Variants in ARHGAP32 observed in about 807,000 individuals in gnomAD.
ARHGAP32 encodes the protein Rho GTPase activating protein 32, also known as rho GTPase-activating protein 32.
Under a neutral mutation model 186.5 loss-of-function variants are expected in ARHGAP32, and 51 were observed. The ratio of observed to expected loss-of-function variants is 0.27; its 90% CI spans 0.22 to 0.35. ARHGAP32 has a LOEUF of 0.35. ARHGAP32 is among the 10% of genes least tolerant of loss of function. The pLI is 1.00. For synonymous variants in ARHGAP32, 950 were observed against 964.3 expected, an observed-to-expected ratio of 0.99 and a Z score of 0.27; for missense variants, 2,186 against 2,623.5, an observed-to-expected ratio of 0.83 and a Z score of 3.64.
upstream of ARHGAP32, among the ~76,000 whole-genome samples, chr11:129,194,477 CA>C (rs971841080): frequency 9.2e-5 from 14 of 152,032 alleles, no homozygotes; most frequent in Non-Finnish European, 2.9e-5. Context: ...ACTGTTAAGG[CA>C]AAGAAGAAAG....
At chr11:129,149,529 G>A (rs1411596139) in intron 2 of ARHGAP32, among the ~76,000 whole-genome samples, 1 of 152,178 alleles carries the variant, frequency 6.6e-6, no homozygotes, top group Non-Finnish European at 1.5e-5. Flanking sequence ...AGACCCAGAA[G>A]AGAAATAAGA....
At chr11:129,156,334 T>C (rs551490441) in intron 2 of ARHGAP32, among the ~76,000 whole-genome samples, 2 of 152,164 alleles carry the variant, frequency 1.3e-5, no homozygotes, top group African/African-American at 2.4e-5. Context: ...CAAGCTAAGA[T>C]CCACTGCCTT....
intron 1 of ARHGAP32, among the ~76,000 whole-genome samples, chr11:129,169,171 T>C (rs1943700564): frequency 6.6e-6 from 1 of 151,940 alleles, no homozygotes; most frequent in African/African-American, 2.4e-5. Flanking sequence ...ATCAATAAAA[T>C]AGAAAGTAAA....
chr11:128,992,962 G>A (rs374878741), intron 12 of ARHGAP32, among the ~76,000 whole-genome samples: 24 of 152,188 alleles, frequency 1.6e-4, no homozygotes, highest in Non-Finnish European at 2.5e-4. Flanking sequence ...TATAAACACC[G>A]GTTTGTGATA....
At chr11:129,073,309 A>G (rs1218362645) in intron 6 of ARHGAP32, among the ~76,000 whole-genome samples, 1 of 152,240 alleles carries the variant, frequency 6.6e-6, no homozygotes, top group African/African-American at 2.4e-5. Flanking sequence ...TCAGACCAAT[A>G]ATTTAAAAGA....
At position 129,064,007 on chromosome 11, in the gene ARHGAP32, A is replaced by G. The variant is rs1480052227; in HGVS notation, c.780T>C (p.Asn260=). 1 of 1,609,712 alleles carries G rather than the reference A, an allele frequency of 6.2e-7. No individual in the cohort carries two copies. The highest frequency in any genetic ancestry group is 8.5e-7 in the Non-Finnish European group (1 of 1,178,416). The change falls in exon 9 of 23, where the codon AAT becomes AAC. Residue 260 remains asparagine (N), a synonymous_variant. Coordinates refer to ENST00000682385, the MANE Select transcript of ARHGAP32 (RefSeq NM_001378024.1). ...LTWMEIDNKG[N]HLLVHEESSI... is the part of the protein sequence containing the mutation. ...ATGACTCCTCATGAACCAAAAGGTG[A>G]TTTCCCTTATTATCAATCTATCACA...
At chr11:129,210,937 G>A (rs1013912602) in intron 1 of ARHGAP32, among the ~76,000 whole-genome samples, 2 of 152,136 alleles carry the variant, frequency 1.3e-5, no homozygotes, top group South Asian at 2.1e-4. Flanking sequence ...CGGGACTGCT[G>A]CACTGTTCAT....
intron 6 of ARHGAP32, among the ~76,000 whole-genome samples, chr11:129,086,508 C>T (rs993667530): frequency 2.0e-5 from 3 of 152,132 alleles, no homozygotes; most frequent in Non-Finnish European, 4.4e-5. Context: ...AGCCATAAAT[C>T]GACAGAAAAT....
At chr11:129,116,956 ATT>A (rs1251326766) in intron 5 of ARHGAP32, among the ~76,000 whole-genome samples, 2 of 152,030 alleles carry the variant, frequency 1.3e-5, no homozygotes, top group African/African-American at 4.8e-5. Flanking sequence ...GAATAGATAT[ATT>A]TGTTTCTATT....
chr11:129,176,964 C>CA (rs1302624361), intron 1 of ARHGAP32, among the ~76,000 whole-genome samples: 2 of 151,024 alleles, frequency 1.3e-5, no homozygotes, highest in East Asian at 1.9e-4. Context: ...AATAGAGACA[C>CA]AAAAAACCCT....
At chr11:129,207,579 T>C (rs540759693) in intron 1 of ARHGAP32, among the ~76,000 whole-genome samples, 1 of 152,114 alleles carries the variant, frequency 6.6e-6, no homozygotes, top group Non-Finnish European at 1.5e-5. Context: ...CACTTTTTTA[T>C]GGGTTTTTTT....
At chr11:128,982,038 A>T in intron 15 of ARHGAP32, 102 bp from the exon 16 acceptor site, 1 of 698,524 alleles carries the variant, frequency 1.4e-6, no homozygotes, top group Non-Finnish European at 2.3e-6. Flanking sequence ...AGCAAAATGA[A>T]GAAAGGGACC....
At chr11:129,195,234 C>A (rs1229484342), upstream of ARHGAP32, among the ~76,000 whole-genome samples, 1 of 152,066 alleles carries the variant, frequency 6.6e-6, no homozygotes, top group Non-Finnish European at 1.5e-5. Context: ...CCTGCCTCTG[C>A]CTCCCAAAGT....
chr11:129,015,032 CT>C (rs1484280048), intron 11 of ARHGAP32, among the ~76,000 whole-genome samples: 1 of 152,130 alleles, frequency 6.6e-6, no homozygotes, highest in East Asian at 1.9e-4. Flanking sequence ...GAATTTTTCT[CT>C]AGACAACTAT....
chr11:129,075,890 C>T (rs2135197439), intron 6 of ARHGAP32, among the ~76,000 whole-genome samples: 1 of 152,284 alleles, frequency 6.6e-6, no homozygotes, highest in South Asian at 2.1e-4. Flanking sequence ...ACCTACTGGG[C>T]TGCATTCCGA....
At chr11:128,983,388 G>A (rs59364507) in intron 15 of ARHGAP32, among the ~76,000 whole-genome samples, 2,596 of 145,314 alleles carry the variant, frequency 0.018, 71 homozygotes, top group African/African-American at 0.061. Flanking sequence ...TATTTAGATC[G>A]CAAGGACAAA....
At chr11:129,155,547 G>A (rs1353228691) in intron 2 of ARHGAP32, among the ~76,000 whole-genome samples, 1 of 152,022 alleles carries the variant, frequency 6.6e-6, no homozygotes, top group African/African-American at 2.4e-5. Flanking sequence ...CTAAAACTGA[G>A]TACATCACCA....
chr11:129,193,617 G>GA (rs1944331509), upstream of ARHGAP32, among the ~76,000 whole-genome samples: 1 of 48,008 alleles, frequency 2.1e-5, no homozygotes, highest in South Asian at 4.5e-4. Context: ...TATAATATAT[G>GA]TTATATAATA....
rs1183398315 is a variant in ARHGAP32, at chr11:128,967,507, G to T, written c.*1400C>A. The T allele has an allele frequency of 1.3e-5, 2 of 152,208 alleles. No homozygotes were observed. The highest frequency in any genetic ancestry group is 4.8e-5 in the African/African-American group (2 of 41,434). The allele number at this position is 152,208 out of a possible 1,614,324, so 9.4% of individuals were successfully genotyped here. A position where few individuals can be genotyped will look rare whatever the true frequency, so the allele number is the denominator to read the frequency against. ...GCCTTGCTAGTCTGATGTATTTTGG[G>T]GGGTGGAGGGAGCTGAGAACATAGA... is the stretch of plus-strand genomic sequence containing the variant. On this transcript the variant is annotated 3_prime_UTR_variant, in exon 23 of 23. Transcript: ENST00000682385.
Sources: allele counts gnomAD v4.1 joint callset (sites outside exome capture counted in the v4.1 genomes callset), GRCh38; gene constraint gnomAD v4.1.1; transcripts MANE v1.5; gene names NCBI Gene and HGNC (gene_info 2026-07-23, HGNC 2026-07-21).